Variants in CPNE4 observed in about 807,000 individuals in gnomAD.
CPNE4 encodes the protein copine-4.
CPNE4 carries 25 observed loss-of-function variants against 67.9 expected under a neutral mutation model. The observed-to-expected ratio is 0.37, with a 90% CI of 0.27 to 0.51. The LOEUF (loss-of-function observed/expected upper bound fraction) is 0.51. Among genes scored for constraint, CPNE4 ranks in the 20% least tolerant of loss-of-function variants. The pLI is 0.93. For synonymous variants in CPNE4, 242 were observed against 244.9 expected (o/e 0.99, Z 0.11); for missense variants, 464 against 690.8 (o/e 0.67, Z 3.68).
intron 1 of CPNE4, among the ~76,000 whole-genome samples, chr3:131,964,921 A>G (rs777827347): frequency 7.9e-5 from 12 of 152,160 alleles, no homozygotes; most frequent in Admixed American, 3.3e-4. Flanking sequence ...GCACATAATC[A>G]TCAGATTCTC....
intron 7 of CPNE4, among the ~76,000 whole-genome samples, chr3:131,600,396 T>A (rs1005094008): frequency 6.6e-6 from 1 of 152,192 alleles, no homozygotes; most frequent in Non-Finnish European, 1.5e-5. Flanking sequence ...TCCAAAGACC[T>A]GTTTGAAACT....
At chr3:132,032,293 G>A (rs1478971266) in intron 1 of CPNE4, among the ~76,000 whole-genome samples, 1 of 152,168 alleles carries the variant, frequency 6.6e-6, no homozygotes, top group African/African-American at 2.4e-5. Flanking sequence ...CTGTGTCTGG[G>A]AGAATAAAAA....
intron 1 of CPNE4, among the ~76,000 whole-genome samples, chr3:132,011,816 T>C (rs1009080757): frequency 5.9e-5 from 9 of 152,204 alleles, no homozygotes; most frequent in Non-Finnish European, 1.2e-4. Context: ...GTGTCAAAAG[T>C]GTTCCAGTTA....
chr3:131,539,279 T>C (rs1172317887), intron 15 of CPNE4, among the ~76,000 whole-genome samples: 2 of 152,204 alleles, frequency 1.3e-5, no homozygotes, highest in African/African-American at 4.8e-5. Context: ...AGCAGCACCC[T>C]ACTTCCTTGC....
At chr3:131,767,803 T>G (rs2083061820) in intron 2 of CPNE4, among the ~76,000 whole-genome samples, 1 of 151,758 alleles carries the variant, frequency 6.6e-6, no homozygotes, top group Admixed American at 6.6e-5. Flanking sequence ...TATTTATTTA[T>G]TTTTTAGGAA....
At chr3:131,952,590 C>T (rs1448894698) in intron 1 of CPNE4, among the ~76,000 whole-genome samples, 9,536 of 83,734 alleles carry the variant, frequency 0.11, 542 homozygotes, top group Non-Finnish European at 0.16. Context: ...GCACCCCGCC[C>T]GGCCAGCCGC....
At chr3:131,893,843 GA>G (rs2088214853) in intron 2 of CPNE4, among the ~76,000 whole-genome samples, 1 of 151,746 alleles carries the variant, frequency 6.6e-6, no homozygotes, top group Non-Finnish European at 1.5e-5. Flanking sequence ...TTTATGGTAA[GA>G]AACATCAAAA....
At chr3:131,743,969 A>AAAAG (rs2082418987) in intron 2 of CPNE4, among the ~76,000 whole-genome samples, 1 of 148,280 alleles carries the variant, frequency 6.7e-6, no homozygotes, top group Non-Finnish European at 1.5e-5. Context: ...TCTCAAAAAA[A>AAAAG]AAAAAAAAAA....
intron 3 of CPNE4, among the ~76,000 whole-genome samples, chr3:131,702,941 G>A (rs768907298): frequency 6.6e-6 from 1 of 152,162 alleles, no homozygotes; most frequent in Admixed American, 6.5e-5. Context: ...TTACAGCCTC[G>A]AGGTTTCCAT....
chr3:131,564,069 T>G, intron 11 of CPNE4, 147 bp downstream of exon 11: 1 of 902,374 alleles, frequency 1.1e-6, no homozygotes. Flanking sequence ...CAAACTTAGT[T>G]TTTCTAGTAC....
chr3:131,596,588 C>T (rs1415815455), intron 7 of CPNE4, among the ~76,000 whole-genome samples: 1 of 95,152 alleles, frequency 1.1e-5, no homozygotes, highest in Non-Finnish European at 1.9e-5. Flanking sequence ...CGCCACTGCA[C>T]TCCAGCCTGG....
chr3:131,786,255 C>T (rs758811233), intron 2 of CPNE4, among the ~76,000 whole-genome samples: 2 of 151,710 alleles, frequency 1.3e-5, no homozygotes, highest in Non-Finnish European at 1.5e-5. Flanking sequence ...TTACTTTATA[C>T]ATTTATGTTG....
At chr3:131,793,687 T>C (rs1166674845) in intron 2 of CPNE4, among the ~76,000 whole-genome samples, 2 of 152,214 alleles carry the variant, frequency 1.3e-5, no homozygotes, top group African/African-American at 4.8e-5. Flanking sequence ...ATTTCCTCTT[T>C]CTGGAATATT....
rs778905266 is a variant in CPNE4 at position 131,991,125 on chromosome 3, G to C, written c.-2+43442C>G. Among the ~76,000 whole-genome samples the C allele has an allele frequency of 2.2e-4, 30 of 136,190 alleles. 8 individuals are homozygous for C. The highest frequency in any genetic ancestry group is 4.2e-4 in the Non-Finnish European group (25 of 60,092). 89.3% of individuals were successfully genotyped at this position (136,190 alleles called of 152,430 possible). A position where few individuals can be genotyped will look rare whatever the true frequency, so the allele number is the denominator to read the frequency against. Reference sequence around the variant, plus strand: ...TCGTATGTCTTTACTAGCAGTTTGAGAATGGACTAATACAGTAAATTGGTG... The same window carrying C: ...TCGTATGTCTTTACTAGCAGTTTGACAATGGACTAATACAGTAAATTGGTG... On this transcript the variant is annotated intron_variant, in intron 1 of 15. Coordinates refer to ENST00000429747, the MANE Select transcript of CPNE4 (RefSeq NM_130808.3).
At chr3:131,687,851 GTGAA>G (rs913818017) in intron 5 of CPNE4, among the ~76,000 whole-genome samples, 1 of 152,204 alleles carries the variant, frequency 6.6e-6, no homozygotes, top group Non-Finnish European at 1.5e-5. Flanking sequence ...GAGTGAATGA[GTGAA>G]TGAATGAATG....
intron 7 of CPNE4, among the ~76,000 whole-genome samples, chr3:131,632,366 T>C (rs924575667): frequency 6.6e-6 from 1 of 152,112 alleles, no homozygotes; most frequent in Non-Finnish European, 1.5e-5. Flanking sequence ...CTTCAGCTTA[T>C]GAGGGAGGAA....
At chr3:131,647,443 A>G (rs150641230) in intron 7 of CPNE4, among the ~76,000 whole-genome samples, 7 of 152,334 alleles carry the variant, frequency 4.6e-5, no homozygotes, top group African/African-American at 1.2e-4. Context: ...AAGCCTGGTT[A>G]TCAGATTCCA....
At chr3:131,844,671 T>A (rs1413884618) in intron 2 of CPNE4, among the ~76,000 whole-genome samples, 1 of 152,250 alleles carries the variant, frequency 6.6e-6, no homozygotes, top group African/African-American at 2.4e-5. Flanking sequence ...AACATATTAC[T>A]AGTTACTCTA....
At position 131,663,581 on chromosome 3, in the gene CPNE4, T is replaced by C. The variant is rs114284922; in HGVS notation, c.681+6094A>G. On this transcript the variant is annotated intron_variant, in intron 7 of 15. Coordinates refer to ENST00000429747, the MANE Select transcript of CPNE4 (RefSeq NM_130808.3). ...AAATGGCCTGTACCAGCATTGTTTA[T>C]GAAAATTGTTAAAATGAAGACTCCA... is the stretch of plus-strand genomic sequence containing the variant. Among the ~76,000 whole-genome samples the C allele has an allele frequency of 5.2e-3, 785 of 152,284 alleles. 6 individuals carry two copies. Among genetic ancestry groups the C allele is most frequent in the African/African-American group, 0.018 (742 of 41,554 alleles).
Sources: allele counts gnomAD v4.1 joint callset (sites outside exome capture counted in the v4.1 genomes callset), GRCh38; gene constraint gnomAD v4.1.1; transcripts MANE v1.5; gene names NCBI Gene and HGNC (gene_info 2026-07-23, HGNC 2026-07-21).